AFTPH: variants seen among roughly 807,000 people sequenced by gnomAD.
The protein encoded by AFTPH is aftiphilin protein.
Under a neutral mutation model 72.5 loss-of-function variants are expected in AFTPH, and 7 were observed. The ratio of observed to expected loss-of-function variants is 0.10; its 90% CI spans 0.05 to 0.18. The LOEUF is 0.18. AFTPH is among the 10% of genes least tolerant of loss of function. The pLI is 1.00. For missense variants in AFTPH, 979 were observed against 1,060.5 expected, an observed-to-expected ratio of 0.92 and a Z score of 1.07; for synonymous variants, 337 against 370.1, an observed-to-expected ratio of 0.91 and a Z score of 1.03.
At chr2:64,546,037 C>A (rs1558600529) in intron 1 of AFTPH, among the ~76,000 whole-genome samples, 2 of 151,918 alleles carry the variant, frequency 1.3e-5, no homozygotes, top group African/African-American at 4.8e-5. Flanking sequence ...GGATTACAGG[C>A]ACCCGCCACC....
intron 1 of AFTPH, among the ~76,000 whole-genome samples, chr2:64,538,418 G>A (rs1254451403): frequency 6.6e-6 from 1 of 152,078 alleles, no homozygotes; most frequent in East Asian, 1.9e-4. Context: ...TATTAGTATC[G>A]GTAGACCCAT....
At chr2:64,551,101 T>G (rs1414730491) in intron 1 of AFTPH, among the ~76,000 whole-genome samples, 1 of 152,288 alleles carries the variant, frequency 6.6e-6, no homozygotes, top group East Asian at 1.9e-4. Flanking sequence ...GAATAAGCAC[T>G]TACCCCAGGA....
intron 1 of AFTPH, among the ~76,000 whole-genome samples, chr2:64,537,447 T>C (rs1031005959): frequency 3.9e-5 from 6 of 152,166 alleles, no homozygotes; most frequent in African/African-American, 1.4e-4. Context: ...AAATTAAAAA[T>C]TTTAAAAAGA....
At chr2:64,586,837 CAT>C (rs1309251166) in intron 8 of AFTPH, among the ~76,000 whole-genome samples, 2 of 152,082 alleles carry the variant, frequency 1.3e-5, no homozygotes, top group East Asian at 3.8e-4. Flanking sequence ...AAACTCCTCT[CAT>C]AGAAAAAAAT....
chr2:64,584,683 G>A (rs1168196947), intron 7 of AFTPH, among the ~76,000 whole-genome samples: 1 of 140,710 alleles, frequency 7.1e-6, no homozygotes, highest in Admixed American at 7.6e-5. Flanking sequence ...TGCAAGCTCC[G>A]CCTTCCGGGT....
intron 6 of AFTPH, among the ~76,000 whole-genome samples, chr2:64,577,211 C>T (rs190187133): frequency 6.6e-6 from 1 of 152,284 alleles, no homozygotes; most frequent in African/African-American, 2.4e-5. Context: ...TTTATCTCTG[C>T]AGTAATAATT....
exon 2 of AFTPH, chr2:64,553,244 C>T (rs765583673): frequency 6.2e-7 from 1 of 1,614,066 alleles, no homozygotes; most frequent in South Asian, 1.1e-5. Flanking sequence ...CTTTTGGAGA[C>T]CAGCAGGCTA....
At chr2:64,534,359 A>G (rs1669776111) in intron 1 of AFTPH, among the ~76,000 whole-genome samples, 1 of 151,742 alleles carries the variant, frequency 6.6e-6, no homozygotes, top group Non-Finnish European at 1.5e-5. Flanking sequence ...CTATTTTTTG[A>G]TAATATCTTC....
chr2:64,532,518 A>T (rs943864105), intron 1 of AFTPH, among the ~76,000 whole-genome samples: 7 of 152,084 alleles, frequency 4.6e-5, no homozygotes, highest in Non-Finnish European at 1.0e-4. Context: ...GAATTGAGGG[A>T]TTTGTGAGGT....
intron 2 of AFTPH, 107 bp from the exon 3 acceptor site, chr2:64,567,455 C>A: frequency 8.9e-7 from 1 of 1,123,726 alleles, no homozygotes; most frequent in Non-Finnish European, 1.2e-6. Context: ...TTCTCTTCCT[C>A]TCTCACAGTA....
chr2:64,565,754 C>T (rs1420522853), intron 2 of AFTPH, among the ~76,000 whole-genome samples: 1 of 152,194 alleles, frequency 6.6e-6, no homozygotes, highest in East Asian at 1.9e-4. Flanking sequence ...TAATCTCCTG[C>T]TCTATCTTAT....
At chr2:64,583,316 T>TAAAAA (rs11395165) in intron 7 of AFTPH, among the ~76,000 whole-genome samples, 2 of 141,896 alleles carry the variant, frequency 1.4e-5, no homozygotes, top group Non-Finnish European at 1.5e-5. Flanking sequence ...AAGGCTCTGT[T>TAAAAA]AAAAAAAAAA....
intron 8 of AFTPH, among the ~76,000 whole-genome samples, chr2:64,590,644 T>C (rs779984236): frequency 6.6e-6 from 1 of 152,248 alleles, no homozygotes; most frequent in Non-Finnish European, 1.5e-5. Flanking sequence ...AAATGTTGGA[T>C]TGCTATTCCA....
intron 1 of AFTPH, among the ~76,000 whole-genome samples, chr2:64,532,356 A>G (rs1669674692): frequency 6.6e-6 from 1 of 152,238 alleles, no homozygotes; most frequent in Non-Finnish European, 1.5e-5. Flanking sequence ...AAAAATCTTT[A>G]TCACAAGAAG....
At chr2:64,584,710 C>T (rs1228094574) in intron 7 of AFTPH, among the ~76,000 whole-genome samples, 1 of 150,988 alleles carries the variant, frequency 6.6e-6, no homozygotes, top group Non-Finnish European at 1.5e-5. Context: ...CATTCTCCTG[C>T]CCCAGCCTCC....
chr2:64,548,922 C>G (rs930667455), intron 1 of AFTPH, among the ~76,000 whole-genome samples: 1 of 152,072 alleles, frequency 6.6e-6, no homozygotes, highest in Admixed American at 6.6e-5. Flanking sequence ...TACAATGGAG[C>G]CTTTTCCTTT....
intron 1 of AFTPH, among the ~76,000 whole-genome samples, chr2:64,544,201 T>G (rs988093181): frequency 3.3e-5 from 5 of 152,244 alleles, no homozygotes; most frequent in Non-Finnish European, 7.3e-5. Flanking sequence ...ATGTGATTTC[T>G]CATAGATAAA....
At chr2:64,538,663 TG>T (rs1436048122) in intron 1 of AFTPH, among the ~76,000 whole-genome samples, 1 of 152,150 alleles carries the variant, frequency 6.6e-6, no homozygotes, top group East Asian at 1.9e-4. Context: ...AATTGATGGG[TG>T]GTAAGAAAAC....
exon 5 of AFTPH, chr2:64,569,639 A>C: frequency 6.2e-7 from 1 of 1,613,768 alleles, no homozygotes; most frequent in South Asian, 1.1e-5. Flanking sequence ...ACGGGCAATA[A>C]GAAGCAGCCT....
Sources: gnomAD v4.1 joint callset for allele counts (sites outside exome capture counted in the v4.1 genomes callset) on GRCh38, gnomAD v4.1.1 for gene constraint, MANE v1.5 for transcripts, NCBI Gene and HGNC (gene_info 2026-07-23, HGNC 2026-07-21) for gene names.